Variants in CRTAC1 observed in about 807,000 individuals in gnomAD.
CRTAC1 encodes cartilage acidic protein 1, also known as acidic secreted protein in cartilage.
CRTAC1 carries 37 observed loss-of-function variants against 67.8 expected under a neutral mutation model. That is an observed-to-expected ratio of 0.55 (90% CI 0.42 to 0.72). The LOEUF (loss-of-function observed/expected upper bound fraction) is 0.72, where lower values mean the gene tolerates loss of function less well. Ranked by LOEUF, CRTAC1 falls within the 30% of genes least tolerant of loss-of-function variation. CRTAC1 has a pLI of 0.00. For missense variants in CRTAC1, 780 were observed against 931.6 expected (o/e 0.84, Z 2.12); for synonymous variants, 348 against 371.0 (o/e 0.94, Z 0.71).
At chr10:97,880,439 G>T (rs770315823) in intron 13 of CRTAC1, 47 bp from the exon 14 acceptor site, 1 of 1,599,378 alleles carries the variant, frequency 6.3e-7, no homozygotes, top group South Asian at 1.1e-5. Context: ...GGGGCAGCAA[G>T]TACCAGCCCA....
At position 97,895,513 on chromosome 10, in the gene CRTAC1, G is replaced by C. The variant is rs1239899799; in HGVS notation, c.1318-100C>G. Reference sequence around the variant, plus strand: ...ACGGGAGGGGGAGAGGGAGAAGAAGGAGGAAGAGAAGAAAGCAGGCAGAGG... The same window carrying C: ...ACGGGAGGGGGAGAGGGAGAAGAAGCAGGAAGAGAAGAAAGCAGGCAGAGG... On this transcript the variant is annotated intron_variant, in intron 10 of 14. Transcript: ENST00000370597. This position sits in a 1 kb window ranked among gnomAD's most constrained non-coding sequence, Gnocchi z 4.2. 9.1e-7 allele frequency: 1 copy of C among 1,095,226 alleles called. No homozygotes were observed. The highest frequency in any genetic ancestry group is 1.3e-6 in the Non-Finnish European group (1 of 766,582). 67.8% of individuals were successfully genotyped at this position (1,095,226 alleles called of 1,614,324 possible).
chr10:98,023,273 C>T (rs981478485), intron 1 of CRTAC1, among the ~76,000 whole-genome samples: 1 of 152,150 alleles, frequency 6.6e-6, no homozygotes, highest in East Asian at 1.9e-4. Flanking sequence ...ATCAGGGGAC[C>T]TTTGGAGGTT....
At chr10:98,019,182 A>G (rs1162849669) in intron 1 of CRTAC1, among the ~76,000 whole-genome samples, 1 of 152,186 alleles carries the variant, frequency 6.6e-6, no homozygotes, top group East Asian at 1.9e-4. Context: ...GAAGGAAAGC[A>G]AAACAGACAG....
rs757959126 is a variant in CRTAC1, at chr10:97,901,585, C to T, written c.1051G>A (p.Ala351Thr). 42 of 1,614,006 alleles carry T rather than the reference C, an allele frequency of 2.6e-5. No homozygotes were observed. The highest frequency in any genetic ancestry group is 1.6e-4 in the Middle Eastern group (1 of 6,084). ...MPSPVRTVIT[A>T]DFDNDQELEI... ...AGCTCCTGGTCATTGTCAAAGTCGG[C>T]GGTGATGACCGTGCGGACAGGGGAG... The change falls in exon 8 of 15, where the codon GCC becomes ACC. Residue 351 changes from alanine to threonine, a missense_variant. Ala to Thr is a moderately conservative substitution (Grantham distance 58). Transcript: ENST00000370597.
chr10:97,989,738 CTACTT>C (rs1219133490), intron 2 of CRTAC1, among the ~76,000 whole-genome samples: 9 of 152,300 alleles, frequency 5.9e-5, no homozygotes, highest in African/African-American at 2.2e-4. Context: ...ATTATTGTCT[CTACTT>C]TATAGATGAG....
intron 1 of CRTAC1, 118 bp from the exon 2 acceptor site, chr10:98,011,455 G>T: frequency 8.5e-7 from 1 of 1,173,652 alleles, no homozygotes; most frequent in Non-Finnish European, 1.2e-6. Flanking sequence ...GAGCTTGACA[G>T]TGCCTAGGCT....
At chr10:97,878,649 T>C in intron 14 of CRTAC1, 1 of 1,304,068 alleles carries the variant, frequency 7.7e-7, no homozygotes, top group African/African-American at 1.5e-5. Flanking sequence ...GAGCATTCTA[T>C]TTTCCAAGGA....
At chr10:97,879,848 AGGGGGTGGGGACGGGGT>A in intron 14 of CRTAC1, 4 of 264,114 alleles carry the variant, frequency 1.5e-5, no homozygotes, top group Non-Finnish European at 2.7e-5. Context: ...AAAAAGAGAA[AGGGGGTGGGGACGGGGT>A]GGGGGTGGAG....
chr10:98,016,376 C>T (rs1033206721), intron 1 of CRTAC1, among the ~76,000 whole-genome samples: 3 of 152,198 alleles, frequency 2.0e-5, no homozygotes, highest in Non-Finnish European at 2.9e-5. Flanking sequence ...TCAACAGAAA[C>T]TGCTTGCAAT....
intron 14 of CRTAC1, 105 bp from the exon 15 acceptor site, chr10:97,865,819 G>T: frequency 7.9e-7 from 1 of 1,264,244 alleles, no homozygotes; most frequent in Non-Finnish European, 1.1e-6. Flanking sequence ...CCTGCTGCCC[G>T]GGGTGGGAGG....
At chr10:98,022,660 A>G (rs1219082940) in intron 1 of CRTAC1, among the ~76,000 whole-genome samples, 1 of 152,116 alleles carries the variant, frequency 6.6e-6, no homozygotes, top group African/African-American at 2.4e-5. Flanking sequence ...ATGGAGACAC[A>G]GTCTTATGTG....
chr10:97,996,759 A>C (rs1842579363), intron 2 of CRTAC1, among the ~76,000 whole-genome samples: 1 of 152,214 alleles, frequency 6.6e-6, no homozygotes, highest in African/African-American at 2.4e-5. Flanking sequence ...ATTATAAATC[A>C]TGCTGCTATA....
intron 2 of CRTAC1, among the ~76,000 whole-genome samples, chr10:97,948,849 C>A (rs956008221): frequency 1.3e-5 from 2 of 152,194 alleles, no homozygotes; most frequent in Non-Finnish European, 2.9e-5. Flanking sequence ...GAAGGGGAAG[C>A]AAACACTTCC....
At chr10:97,948,857 T>C (rs1241670234) in intron 2 of CRTAC1, among the ~76,000 whole-genome samples, 1 of 152,190 alleles carries the variant, frequency 6.6e-6, no homozygotes, top group Admixed American at 6.5e-5. Flanking sequence ...AGCAAACACT[T>C]CCTTCTTCAC....
At chr10:97,890,939 G>T (rs1411083117) in intron 11 of CRTAC1, among the ~76,000 whole-genome samples, 5 of 151,956 alleles carry the variant, frequency 3.3e-5, no homozygotes, top group African/African-American at 4.8e-5. Context: ...AGCGCTGGGA[G>T]GACAGGCGTG....
intron 11 of CRTAC1, among the ~76,000 whole-genome samples, chr10:97,892,627 C>G (rs1009447764): frequency 2.0e-5 from 3 of 152,230 alleles, no homozygotes; most frequent in Non-Finnish European, 4.4e-5. Context: ...TTACCTGATT[C>G]TTCAAGTTGT....
intron 1 of CRTAC1, among the ~76,000 whole-genome samples, chr10:98,012,312 C>T (rs1323313955): frequency 6.6e-6 from 1 of 152,090 alleles, no homozygotes; most frequent in African/African-American, 2.4e-5. Flanking sequence ...GGGATTCCAC[C>T]CCCCTTGAGT....
At chr10:97,993,821 T>C (rs907172477) in intron 2 of CRTAC1, among the ~76,000 whole-genome samples, 12 of 152,188 alleles carry the variant, frequency 7.9e-5, no homozygotes, top group Admixed American at 7.9e-4. Context: ...GGAGAAATTT[T>C]AAAAAGAATT....
At chr10:97,928,194 A>T (rs1368067839) in intron 3 of CRTAC1, among the ~76,000 whole-genome samples, 1 of 109,088 alleles carries the variant, frequency 9.2e-6, no homozygotes, top group East Asian at 3.0e-4. Flanking sequence ...ATTAAAGGAG[A>T]CTTGAAGGTC....
Sources: allele counts gnomAD v4.1 joint callset (sites outside exome capture counted in the v4.1 genomes callset), GRCh38; gene constraint gnomAD v4.1.1; non-coding constraint Gnocchi (gnomAD v3.1); transcripts MANE v1.5; gene names NCBI Gene and HGNC (gene_info 2026-07-23, HGNC 2026-07-21).